The following ROBO1 variants were observed in gnomAD, a reference collection of about 807,000 sequenced individuals.
The protein encoded by ROBO1 is roundabout homolog 1.
ROBO1 carries 149 observed loss-of-function variants against 195.9 expected under a neutral mutation model. The observed-to-expected ratio is 0.76, with a 90% CI of 0.67 to 0.87. The LOEUF is 0.87. Among genes scored for constraint, ROBO1 ranks in the 40% least tolerant of loss-of-function variants. The pLI is 0.00. For missense variants in ROBO1, 1,933 were observed against 2,068.3 expected, an observed-to-expected ratio of 0.93 and a Z score of 1.27; for synonymous variants, 816 against 733.2, an observed-to-expected ratio of 1.11 and a Z score of -1.82.
chr3:79,211,617 G>T (rs1159647270), intron 2 of ROBO1, among the ~76,000 whole-genome samples: 1 of 152,180 alleles, frequency 6.6e-6, no homozygotes, highest in Non-Finnish European at 1.5e-5. Context: ...TTTAAAGGAG[G>T]AATGCCTGGG....
chr3:78,753,815 G>A (rs754076275), intron 4 of ROBO1, among the ~76,000 whole-genome samples: 16 of 152,084 alleles, frequency 1.1e-4, no homozygotes, highest in Non-Finnish European at 1.0e-4. Flanking sequence ...ATTTTAAAAT[G>A]TATCACCAAA....
At chr3:79,192,592 G>A (rs919867948) in intron 2 of ROBO1, among the ~76,000 whole-genome samples, 1 of 151,530 alleles carries the variant, frequency 6.6e-6, no homozygotes, top group African/African-American at 2.4e-5. Flanking sequence ...GGCGGTGGGT[G>A]TGAAAGAACA....
chr3:79,746,862 T>C (rs1442138420), intron 1 of ROBO1, among the ~76,000 whole-genome samples: 1 of 152,086 alleles, frequency 6.6e-6, no homozygotes, highest in East Asian at 1.9e-4. Context: ...CTGATAATTA[T>C]AAAGAATCAT....
intron 1 of ROBO1, among the ~76,000 whole-genome samples, chr3:79,599,873 A>G (rs931256750): frequency 5.3e-5 from 8 of 152,048 alleles, no homozygotes; most frequent in African/African-American, 1.4e-4. Context: ...ATGAAAAGTA[A>G]TAAAATATAG....
At chr3:78,721,112 ATG>A (rs2082035278) in intron 5 of ROBO1, among the ~76,000 whole-genome samples, 1 of 152,108 alleles carries the variant, frequency 6.6e-6, no homozygotes, top group Admixed American at 6.6e-5. Flanking sequence ...AAAAAAAGAT[ATG>A]TGTCTTTGGC....
chr3:79,378,612 T>A (rs2109361687), intron 2 of ROBO1, among the ~76,000 whole-genome samples: 1 of 152,370 alleles, frequency 6.6e-6, no homozygotes, highest in Non-Finnish European at 1.5e-5. Flanking sequence ...TTTTTCCCTG[T>A]AAAATTATGT....
In ROBO1 at chr3:78,614,808, G is replaced by GAAAA; in HGVS notation, c.4283-12_4283-9dup. The stretch of plus-strand genomic sequence containing the variant: ...CATGAAAATGTCGACGGCCTAAGGA[G>GAAAA]AAAAAAAAAAAAAATCCAAGCCAAA... On this transcript the variant is annotated splice_polypyrimidine_tract_variant and intron_variant, in intron 27 of 30. Transcript: ENST00000464233. The GAAAA allele has an allele frequency of 4.3e-6, 5 of 1,157,676 alleles. No homozygotes were observed. Among genetic ancestry groups the GAAAA allele is most frequent in the East Asian group, 3.0e-5 (1 of 32,848 alleles). 71.7% of individuals were successfully genotyped at this position (1,157,676 alleles called of 1,614,324 possible). A position where few individuals can be genotyped will look rare whatever the true frequency, so the allele number is the denominator to read the frequency against.
In ROBO1 at chr3:79,050,114, G is replaced by A. The variant is rs946118060; in HGVS notation, c.172+75342C>T. Among the ~76,000 whole-genome samples, 7 of 152,142 alleles carry A rather than the reference G, an allele frequency of 4.6e-5. No homozygotes were observed. In the East Asian group the frequency reaches 1.4e-3, roughly 29 times the overall value. ...CACAGACTGGCAAATTGGATAAACA[G>A]TCAAGACCCATTGGTGTGCTATATT... On this transcript the variant is annotated intron_variant, in intron 3 of 30. Transcript: ENST00000464233.
intron 2 of ROBO1, among the ~76,000 whole-genome samples, chr3:79,379,781 G>C (rs2036508449): frequency 6.6e-6 from 1 of 151,960 alleles, no homozygotes; most frequent in Non-Finnish European, 1.5e-5. Context: ...ATTGCCACCA[G>C]GCGACAAAAA....
chr3:79,222,808 A>G (rs986998241), intron 2 of ROBO1, among the ~76,000 whole-genome samples: 1 of 152,130 alleles, frequency 6.6e-6, no homozygotes, highest in Non-Finnish European at 1.5e-5. Flanking sequence ...TGAATAATTT[A>G]ATATATTCGG....
chr3:79,715,674 G>T (rs1702453571), intron 1 of ROBO1, among the ~76,000 whole-genome samples: 1 of 152,016 alleles, frequency 6.6e-6, no homozygotes, highest in African/African-American at 2.4e-5. Context: ...ATGTATGTCT[G>T]TTTGCAGTGT....
chr3:79,087,595 CTT>C lies in ROBO1; in HGVS notation c.172+37859_172+37860del, dbSNP rs201584867. 3.2e-3 allele frequency among the ~76,000 whole-genome samples: 485 copies of C among 151,560 alleles called. 2 individuals carry two copies. Among genetic ancestry groups the C allele is most frequent in the African/African-American group, 0.01 (434 of 41,336 alleles). On this transcript the variant is annotated intron_variant, in intron 3 of 30. Transcript: ENST00000464233. ...TGTTCCTTCCTTCTTTTCTTCCCCG[CTT>C]TCTCTCTCCATCCCTGCTTTCCTTA...
intron 2 of ROBO1, among the ~76,000 whole-genome samples, chr3:79,133,803 A>G (rs1310228168): frequency 7.3e-6 from 1 of 136,522 alleles, no homozygotes; most frequent in South Asian, 2.6e-4. Flanking sequence ...TTTTTTCCCC[A>G]TCTTTGTGGT....
chr3:79,758,043 T>C (rs1307934815), intron 1 of ROBO1, among the ~76,000 whole-genome samples: 1 of 152,202 alleles, frequency 6.6e-6, no homozygotes, highest in Non-Finnish European at 1.5e-5. Flanking sequence ...AAATTATCCT[T>C]ACCAACACAA....
At chr3:79,075,604 A>G (rs2079159117) in intron 3 of ROBO1, among the ~76,000 whole-genome samples, 1 of 151,924 alleles carries the variant, frequency 6.6e-6, no homozygotes, top group African/African-American at 2.4e-5. Context: ...AGAGTTGTGC[A>G]TTCACTAGGA....
intron 2 of ROBO1, among the ~76,000 whole-genome samples, chr3:79,568,980 A>T (rs1039817904): frequency 6.6e-6 from 1 of 152,208 alleles, no homozygotes; most frequent in Non-Finnish European, 1.5e-5. Context: ...ATACACTAAG[A>T]GGAAATAAGT....
At chr3:79,705,280 A>C (rs1947733995) in intron 1 of ROBO1, among the ~76,000 whole-genome samples, 1 of 152,008 alleles carries the variant, frequency 6.6e-6, no homozygotes, top group African/African-American at 2.4e-5. Context: ...AAGGTCATTT[A>C]GATTTTCTCT....
At chr3:79,507,056 C>A (rs1178176067) in intron 2 of ROBO1, among the ~76,000 whole-genome samples, 1 of 152,140 alleles carries the variant, frequency 6.6e-6, no homozygotes, top group Admixed American at 6.5e-5. Context: ...TAATAGAGCT[C>A]CTCTTGAGCC....
intron 3 of ROBO1, among the ~76,000 whole-genome samples, chr3:79,019,841 C>G (rs925953084): frequency 6.6e-6 from 1 of 152,008 alleles, no homozygotes; most frequent in Non-Finnish European, 1.5e-5. Context: ...TCCACTCTCA[C>G]TTCTCCCCAT....
Sources: gnomAD v4.1 joint callset for allele counts (sites outside exome capture counted in the v4.1 genomes callset) on GRCh38, gnomAD v4.1.1 for gene constraint, MANE v1.5 for transcripts, NCBI Gene and HGNC (gene_info 2026-07-23, HGNC 2026-07-21) for gene names.